Variants in COL25A1 observed in about 807,000 individuals in gnomAD.
COL25A1 encodes the protein collagen alpha-1(XXV) chain.
In COL25A1, 103 loss-of-function variants were observed where a neutral mutation model predicts 128.4. That is an observed-to-expected ratio of 0.80 (90% CI 0.68 to 0.94). The LOEUF is 0.94. COL25A1 is among the 40% of genes least tolerant of loss of function. The pLI, the probability that COL25A1 is intolerant of heterozygous loss-of-function variation, is 0.00. For missense variants in COL25A1, 745 were observed against 840.0 expected (o/e 0.89, Z 1.40); for synonymous variants, 279 against 277.2 (o/e 1.01, Z -0.06).
intron 24 of COL25A1, among the ~76,000 whole-genome samples, chr4:108,858,268 T>C (rs1736753622): frequency 6.6e-6 from 1 of 152,004 alleles, no homozygotes; most frequent in South Asian, 2.1e-4. Context: ...CTTGGAGTGA[T>C]ACACAAGATG....
intron 3 of COL25A1, among the ~76,000 whole-genome samples, chr4:109,221,484 T>G (rs1778408618): frequency 6.6e-6 from 1 of 152,230 alleles, no homozygotes; most frequent in Non-Finnish European, 1.5e-5. Context: ...GAAACACATC[T>G]GAACCTAGCA....
At chr4:109,066,200 G>A (rs1323670295) in intron 3 of COL25A1, among the ~76,000 whole-genome samples, 1 of 152,110 alleles carries the variant, frequency 6.6e-6, no homozygotes, top group Non-Finnish European at 1.5e-5. Context: ...TTTGCAGCTG[G>A]TACACATCAG....
chr4:109,179,548 T>C (rs1305416665), intron 3 of COL25A1, among the ~76,000 whole-genome samples: 1 of 152,244 alleles, frequency 6.6e-6, no homozygotes, highest in Non-Finnish European at 1.5e-5. Context: ...GAATATACAA[T>C]CATCTATCTC....
intron 3 of COL25A1, among the ~76,000 whole-genome samples, chr4:109,189,001 T>A (rs1013107442): frequency 6.6e-6 from 1 of 152,254 alleles, no homozygotes; most frequent in African/African-American, 2.4e-5. Context: ...CAATTAACAC[T>A]AAAATGAATG....
chr4:108,910,553 G>A (rs1443429226), intron 13 of COL25A1, among the ~76,000 whole-genome samples: 2 of 152,136 alleles, frequency 1.3e-5, no homozygotes, highest in African/African-American at 4.8e-5. Context: ...TTTGTCCAAG[G>A]TCATACAAAC....
intron 27 of COL25A1, 35 bp downstream of exon 27, chr4:108,848,724 T>C: frequency 7.1e-7 from 1 of 1,416,692 alleles, no homozygotes; most frequent in South Asian, 1.2e-5. Context: ...TCAAGAATGA[T>C]GCTTTAAATA....
intron 19 of COL25A1, among the ~76,000 whole-genome samples, chr4:108,872,442 T>G (rs1028854734): frequency 3.9e-5 from 6 of 151,992 alleles, no homozygotes; most frequent in Non-Finnish European, 8.8e-5. Flanking sequence ...AAGAAAGGTT[T>G]ATTATATGGT....
chr4:108,993,984 G>A (rs934719278), intron 6 of COL25A1, among the ~76,000 whole-genome samples: 6 of 152,104 alleles, frequency 3.9e-5, no homozygotes, highest in Admixed American at 1.3e-4. Flanking sequence ...AGGGGAGGTC[G>A]CTTCCAAGAT....
chr4:109,103,327 C>A (rs543115068), intron 3 of COL25A1, among the ~76,000 whole-genome samples: 1 of 149,720 alleles, frequency 6.7e-6, no homozygotes, highest in South Asian at 2.1e-4. Flanking sequence ...ACTCTCTAGA[C>A]AAATTCAGTG....
rs187594874 is a variant in COL25A1, at chr4:108,864,346, T to C, written c.1084-959A>G. ...CAAAGTGGTTAAGTTCCTGGCTCTGTAATCTAGCATCTTAGGTTTTACTCC... is the reference window on the plus strand; with the variant it reads ...CAAAGTGGTTAAGTTCCTGGCTCTGCAATCTAGCATCTTAGGTTTTACTCC... On this transcript the variant is annotated intron_variant, in intron 20 of 37. Coordinates refer to ENST00000399132, the MANE Select transcript of COL25A1 (RefSeq NM_198721.4). Among the ~76,000 whole-genome samples the C allele has an allele frequency of 3.9e-4, 59 of 152,304 alleles. No individual in the cohort carries two copies. The South Asian group carries it at 7.3e-3, about 19-fold the overall frequency.
intron 3 of COL25A1, among the ~76,000 whole-genome samples, chr4:109,073,589 G>A (rs924638326): frequency 6.6e-6 from 1 of 152,162 alleles, no homozygotes; most frequent in African/African-American, 2.4e-5. Flanking sequence ...TATCCTTTGG[G>A]ATATTGTAGC....
chr4:109,178,274 T>G (rs115129951), intron 3 of COL25A1, among the ~76,000 whole-genome samples: 1 of 152,198 alleles, frequency 6.6e-6, no homozygotes, highest in Non-Finnish European at 1.5e-5. Context: ...CATTTTCAAC[T>G]ACGTTGGGTA....
At chr4:108,850,865 CT>C (rs1735686247) in intron 26 of COL25A1, among the ~76,000 whole-genome samples, 2 of 151,976 alleles carry the variant, frequency 1.3e-5, no homozygotes, top group African/African-American at 4.8e-5. Context: ...GATTTTTTAC[CT>C]AGGAGGTCCT....
intron 3 of COL25A1, among the ~76,000 whole-genome samples, chr4:109,118,938 A>T (rs902287943): frequency 6.6e-5 from 10 of 152,032 alleles, no homozygotes; most frequent in African/African-American, 2.2e-4. Flanking sequence ...TTCACATGAA[A>T]CATTCACCAA....
chr4:109,123,654 T>C (rs558093388), intron 3 of COL25A1, among the ~76,000 whole-genome samples: 2 of 152,208 alleles, frequency 1.3e-5, no homozygotes, highest in East Asian at 1.9e-4. Flanking sequence ...CATTTCACAA[T>C]TACAAAGAAA....
intron 3 of COL25A1, among the ~76,000 whole-genome samples, chr4:109,079,806 G>A (rs1225300407): frequency 6.6e-6 from 1 of 151,586 alleles, no homozygotes; most frequent in Non-Finnish European, 1.5e-5. Flanking sequence ...AAGAGTTCAA[G>A]CGAGTTAAAA....
At chr4:109,177,757 A>G (rs2126140362) in intron 3 of COL25A1, among the ~76,000 whole-genome samples, 1 of 152,340 alleles carries the variant, frequency 6.6e-6, no homozygotes, top group South Asian at 2.1e-4. Flanking sequence ...TGAATAATTT[A>G]AAACGAAAGC....
At position 109,246,914 on chromosome 4, in the gene COL25A1, AC is replaced by A. The variant is rs1275009577; in HGVS notation, c.367+53668del. Among the ~76,000 whole-genome samples the A allele has an allele frequency of 3.3e-5, 5 of 152,206 alleles. No homozygotes were observed. In the East Asian group the frequency reaches 9.6e-4, roughly 29 times the overall value. On this transcript the variant is annotated intron_variant, in intron 3 of 37. Transcript: ENST00000399132. ...AATGCAAGGTAGGTTCAGAAGATGA[AC>A]AAATTATTTCTATATAGGAAACTTA... is the stretch of plus-strand genomic sequence containing the variant.
intron 3 of COL25A1, among the ~76,000 whole-genome samples, chr4:109,215,012 G>C (rs1368685180): frequency 2.6e-5 from 4 of 152,152 alleles, no homozygotes; most frequent in Non-Finnish European, 4.4e-5. Flanking sequence ...CCCTTAGCTT[G>C]ATGCATTGCC....
Sources: gnomAD v4.1 joint callset for allele counts (sites outside exome capture counted in the v4.1 genomes callset) on GRCh38, gnomAD v4.1.1 for gene constraint, MANE v1.5 for transcripts, NCBI Gene and HGNC (gene_info 2026-07-23, HGNC 2026-07-21) for gene names.